Variants in ZNF831 observed in about 807,000 individuals in gnomAD.
ZNF831 encodes chromosome 20 open reading frame 174.
A neutral mutation model predicts 95.8 loss-of-function variants in ZNF831; 59 were observed. That is an observed-to-expected ratio of 0.62 (90% confidence interval 0.50 to 0.77). The LOEUF is 0.77. Ranked by LOEUF, ZNF831 falls within the 30% of genes least tolerant of loss-of-function variation. The pLI is 0.00. For missense variants in ZNF831, 2,205 were observed against 2,164.0 expected (o/e 1.02, Z -0.38); for synonymous variants, 961 against 925.5 (o/e 1.04, Z -0.70).
intron 1 of ZNF831, among the ~76,000 whole-genome samples, chr20:59,127,552 C>A (rs889803401): frequency 9.2e-5 from 14 of 152,198 alleles, no homozygotes; most frequent in Non-Finnish European, 2.1e-4. Flanking sequence ...ATGGTTGACA[C>A]GTGCTTTCCT....
chr20:59,217,233 C>T lies in ZNF831; in HGVS notation c.4027+10177C>T, dbSNP rs1260758364. ...GCACACTGCACATCTCATTGCACAACTTGCTCTTTTTACTCAAAAATGTTT... is the reference window on the plus strand; with the variant it reads ...GCACACTGCACATCTCATTGCACAATTTGCTCTTTTTACTCAAAAATGTTT... On this transcript the variant is annotated intron_variant, in intron 4 of 5. Transcript: ENST00000371030. The surrounding 1 kb of genome is among the most constrained non-coding windows in gnomAD (Gnocchi z 4.4). Among the ~76,000 whole-genome samples, 1 of 151,732 alleles carries T rather than the reference C, an allele frequency of 6.6e-6. No homozygotes were observed. The highest frequency in any genetic ancestry group is 1.9e-4 in the East Asian group (1 of 5,134).
At chr20:59,223,237 T>G (rs1162451184) in intron 4 of ZNF831, among the ~76,000 whole-genome samples, 1 of 151,980 alleles carries the variant, frequency 6.6e-6, no homozygotes, top group Non-Finnish European at 1.5e-5. Context: ...CTCTATTGGG[T>G]GCTCTCTGTC....
chr20:59,152,287 G>A (rs59936098), intron 2 of ZNF831, among the ~76,000 whole-genome samples: 1,625 of 151,716 alleles, frequency 0.011, 38 homozygotes, highest in African/African-American at 0.038. Context: ...AGTGTCACAG[G>A]GACTCTGCTG....
intron 4 of ZNF831, among the ~76,000 whole-genome samples, chr20:59,221,181 C>T (rs996930605): frequency 3.3e-5 from 5 of 152,178 alleles, no homozygotes; most frequent in African/African-American, 9.7e-5. Flanking sequence ...CAGGTCTGGA[C>T]AAGACGTCTT....
chr20:59,200,982 A>T (rs537652551), intron 3 of ZNF831, among the ~76,000 whole-genome samples: 2 of 152,336 alleles, frequency 1.3e-5, no homozygotes, highest in East Asian at 3.9e-4. Context: ...GCTTTAAATT[A>T]TCTTGGGAAA....
rs1196551165 is a variant in ZNF831 at position 59,208,952 on chromosome 20, C to A, written c.4027+1896C>A. Among the ~76,000 whole-genome samples the A allele has an allele frequency of 6.6e-6, 1 of 152,174 alleles. No individual in the cohort carries two copies. Among genetic ancestry groups the A allele is most frequent in the African/African-American group, 2.4e-5 (1 of 41,444 alleles). ...CCAAATGGAGCTGCTCCTGGAACTC[C>A]CCGTCAGCCTCCCTGCTTAGCTCCC... is the stretch of plus-strand genomic sequence containing the variant. On this transcript the variant is annotated intron_variant, in intron 4 of 5. Transcript: ENST00000371030. This position sits in a 1 kb window ranked among gnomAD's most constrained non-coding sequence, Gnocchi z 4.2.
chr20:59,141,818 CAA>C (rs1278627793), intron 1 of ZNF831, among the ~76,000 whole-genome samples: 1 of 152,186 alleles, frequency 6.6e-6, no homozygotes, highest in Non-Finnish European at 1.5e-5. Context: ...GCTGTACTGT[CAA>C]AGTCAGTTAA....
At chr20:59,149,315 C>T (rs1041342154) in intron 2 of ZNF831, among the ~76,000 whole-genome samples, 1 of 152,178 alleles carries the variant, frequency 6.6e-6, no homozygotes, top group Admixed American at 6.5e-5. Flanking sequence ...GGCCCAGTCT[C>T]AATGGCAAAC....
At chr20:59,195,115 C>T (rs1446574434) in intron 2 of ZNF831, among the ~76,000 whole-genome samples, 1 of 152,166 alleles carries the variant, frequency 6.6e-6, no homozygotes, top group Non-Finnish European at 1.5e-5. Context: ...CTGGATCATT[C>T]TAAGATTATA....
intron 3 of ZNF831, among the ~76,000 whole-genome samples, chr20:59,198,019 C>G (rs751059507): frequency 2.1e-4 from 32 of 152,148 alleles, no homozygotes; most frequent in Admixed American, 6.5e-5. Flanking sequence ...GGATGGGTTG[C>G]CTCATTAACA....
chr20:59,177,937 G>A (rs1982304214), intron 1 of ZNF831, among the ~76,000 whole-genome samples: 1 of 152,168 alleles, frequency 6.6e-6, no homozygotes. Context: ...GTGAAGAAGC[G>A]AGGCTGTTTT....
At chr20:59,185,076 C>T (rs1982905658) in intron 1 of ZNF831, among the ~76,000 whole-genome samples, 1 of 146,788 alleles carries the variant, frequency 6.8e-6, no homozygotes, top group African/African-American at 2.6e-5. Context: ...CGGACCCTTC[C>T]CTCGCTCAAA....
At chr20:59,130,258 A>C (rs1979308129) in intron 1 of ZNF831, among the ~76,000 whole-genome samples, 1 of 152,158 alleles carries the variant, frequency 6.6e-6, no homozygotes, top group Non-Finnish European at 1.5e-5. Context: ...CATAGCATTT[A>C]AGCCGGGCCT....
chr20:59,207,016 G>A lies in ZNF831; in HGVS notation c.3987G>A (p.Lys1329=), dbSNP rs1395830614. The stretch of plus-strand genomic sequence containing the variant: ...ACCCTCCCGCACTTGAGGGACTGAA[G>A]CCATGCAGGACCCCTGGGCAGACCT... ...SRHPPALEGL[K]PCRTPGQTSS... The change falls in exon 4 of 6, where the codon AAG becomes AAA. Residue 1329 remains lysine, a synonymous_variant. Transcript: ENST00000371030. 6.2e-7 allele frequency: 1 copy of A among 1,614,102 alleles called. No homozygotes were observed. Among genetic ancestry groups the A allele is most frequent in the Non-Finnish European group, 8.5e-7 (1 of 1,180,046 alleles).
chr20:59,206,683 G>T (rs1207791043), intron 3 of ZNF831, among the ~76,000 whole-genome samples: 2 of 152,198 alleles, frequency 1.3e-5, no homozygotes, highest in African/African-American at 2.4e-5. Context: ...GAAGCATTTT[G>T]TGACCACCTC....
rs55786258 is a variant in ZNF831 at position 59,194,085 on chromosome 20, G to C, written c.3066G>C (p.Leu1022Phe). ...RPQDGRKGAQ[L>F]GGDKGDRMAT... Reference sequence around the variant, plus strand: ...AGGATGGGAGAAAAGGGGCACAGTTGGGGGGGGACAAGGGGGACAGGATGG... The same window carrying C: ...AGGATGGGAGAAAAGGGGCACAGTTCGGGGGGGACAAGGGGGACAGGATGG... Residue 1022 changes from leucine to phenylalanine, a missense_variant, in exon 2 of 6, where the codon TTG (leucine) becomes TTC (phenylalanine). Coordinates refer to ENST00000371030, the MANE Select transcript of ZNF831 (RefSeq NM_178457.3). 0.19 allele frequency: 289,194 copies of C among 1,537,794 alleles called. 28,147 individuals are homozygous for C. The highest frequency in any genetic ancestry group is 0.21 in the East Asian group (9,495 of 44,178).
rs765465269 is a variant in ZNF831, at chr20:59,191,908, C to A, written c.889C>A (p.Pro297Thr). 6.8e-6 allele frequency: 11 copies of A among 1,612,438 alleles called. No individual in the cohort carries two copies. Among genetic ancestry groups the A allele is most frequent in the East Asian group, 4.5e-5 (2 of 44,864 alleles). The change falls in exon 2 of 6, where the codon CCC becomes ACC. Residue 297 changes from proline to threonine, a missense_variant. Transcript: ENST00000371030. The stretch of plus-strand genomic sequence containing the variant: ...TGGGCTCCCAGCGGCCAGCACACAA[C>A]CCTGGCGTAAGTTGCCAGAGCAGAA... ...SPGLPAASTQ[P>T]WRKLPEQKSP...
intron 2 of ZNF831, among the ~76,000 whole-genome samples, chr20:59,156,536 A>G (rs1980553871): frequency 6.6e-6 from 1 of 152,180 alleles, no homozygotes; most frequent in Admixed American, 6.5e-5. Flanking sequence ...AAAAATAAAT[A>G]AATAAATAAA....
chr20:59,180,597 T>C (rs1286454720), intron 1 of ZNF831, among the ~76,000 whole-genome samples: 1 of 152,110 alleles, frequency 6.6e-6, no homozygotes, highest in Non-Finnish European at 1.5e-5. Context: ...ATTGTTCAAC[T>C]CCCACTTATG....
Sources: allele counts gnomAD v4.1 joint callset (sites outside exome capture counted in the v4.1 genomes callset), GRCh38; gene constraint gnomAD v4.1.1; non-coding constraint Gnocchi (gnomAD v3.1); transcripts MANE v1.5; gene names NCBI Gene and HGNC (gene_info 2026-07-23, HGNC 2026-07-21).